The following ATP2B1 variants were observed in gnomAD, a reference collection of about 807,000 sequenced individuals.
ATP2B1 encodes the protein plasma membrane calcium-transporting ATPase 1.
A neutral mutation model predicts 124.2 loss-of-function variants in ATP2B1; 14 were observed. The ratio of observed to expected loss-of-function variants is 0.11; its 90% confidence interval spans 0.07 to 0.18. The LOEUF is 0.18. Ranked by LOEUF, ATP2B1 falls within the 10% of genes least tolerant of loss-of-function variation. ATP2B1 has a pLI of 1.00. For missense variants in ATP2B1, 763 were observed against 1,466.1 expected, an observed-to-expected ratio of 0.52 and a Z score of 7.83; for synonymous variants, 449 against 492.4, an observed-to-expected ratio of 0.91 and a Z score of 1.17.
chr12:89,674,042 T>C (rs1265063179), intron 1 of ATP2B1, among the ~76,000 whole-genome samples: 2 of 152,166 alleles, frequency 1.3e-5, no homozygotes, highest in African/African-American at 2.4e-5. Flanking sequence ...CTTACTGACA[T>C]GGGCAAGAAA....
chr12:89,653,441 C>G (rs904624349), intron 2 of ATP2B1, among the ~76,000 whole-genome samples: 2 of 151,336 alleles, frequency 1.3e-5, no homozygotes, highest in African/African-American at 2.4e-5. Flanking sequence ...GGACTACAGG[C>G]GCCCGCCACC....
At chr12:89,650,955 T>A (rs1175656800) in intron 2 of ATP2B1, among the ~76,000 whole-genome samples, 1 of 152,232 alleles carries the variant, frequency 6.6e-6, no homozygotes, top group African/African-American at 2.4e-5. Context: ...TAGGATGTTA[T>A]AAGCAGGTTA....
intron 18 of ATP2B1, 78 bp from the exon 19 acceptor site, chr12:89,601,511 T>C: frequency 1.1e-6 from 1 of 870,512 alleles, no homozygotes. Flanking sequence ...ATCAAATTTA[T>C]GTCCTCTAAA....
intron 12 of ATP2B1, among the ~76,000 whole-genome samples, 187 bp downstream of exon 12, chr12:89,616,615 G>A (rs1879016996): frequency 6.6e-6 from 1 of 151,764 alleles, no homozygotes; most frequent in Admixed American, 6.6e-5. Context: ...AAGAGACACT[G>A]TCTTTAAAAA....
chr12:89,588,319 T>C lies in ATP2B1; in HGVS notation c.*2665A>G, dbSNP rs1872982752. 6.6e-6 allele frequency: 1 copy of C among 152,622 alleles called. No individual in the cohort carries two copies. The highest frequency in any genetic ancestry group is 2.4e-5 in the African/African-American group (1 of 41,456). The allele number at this position is 152,622 out of a possible 1,614,324, so 9.5% of individuals were successfully genotyped here. On this transcript the variant is annotated 3_prime_UTR_variant, in exon 21 of 21. Transcript: ENST00000428670. ...CTGTTATGAAAATTACCATATCACA[T>C]ATTTGTAAGATGACAAGGAGTAACT...
chr12:89,590,835 T>A lies in ATP2B1; in HGVS notation c.*149A>T, dbSNP rs948968233. On this transcript the variant is annotated 3_prime_UTR_variant, in exon 21 of 21. Coordinates refer to ENST00000428670, the MANE Select transcript of ATP2B1 (RefSeq NM_001366521.1). ...GGCAGAAAGCTTTGCTTTTTTTTTT[T>A]TAAAAAAATAAATCTACATTCGTAC... is the stretch of plus-strand genomic sequence containing the variant. 3 of 911,558 alleles carry A rather than the reference T, an allele frequency of 3.3e-6. No individual in the cohort carries two copies. Among genetic ancestry groups the A allele is most frequent in the Middle Eastern group, 3.2e-4 (1 of 3,132 alleles). The allele number at this position is 911,558 out of a possible 1,614,324, so 56.5% of individuals were successfully genotyped here.
At chr12:89,641,663 T>C (rs1318749556) in intron 3 of ATP2B1, among the ~76,000 whole-genome samples, 1 of 152,190 alleles carries the variant, frequency 6.6e-6, no homozygotes, top group Non-Finnish European at 1.5e-5. Flanking sequence ...GTTCAACCTA[T>C]AGTATAATGG....
chr12:89,702,445 C>G (rs955130543), intron 1 of ATP2B1, among the ~76,000 whole-genome samples: 56 of 152,108 alleles, frequency 3.7e-4, no homozygotes, highest in African/African-American at 1.3e-3. Context: ...AGCAGCAGAT[C>G]TGAGAGTTTT....
chr12:89,673,132 T>C (rs1888193894), intron 1 of ATP2B1, among the ~76,000 whole-genome samples: 6 of 152,226 alleles, frequency 3.9e-5, no homozygotes, highest in Admixed American at 3.9e-4. Flanking sequence ...CTGGAGAAGC[T>C]ATCTCATAGT....
intron 1 of ATP2B1, among the ~76,000 whole-genome samples, chr12:89,688,919 G>C (rs549180922): frequency 6.6e-6 from 1 of 151,982 alleles, no homozygotes; most frequent in East Asian, 1.9e-4. Flanking sequence ...AGGGCTAATC[G>C]TATCTTTTGC....
chr12:89,692,755 C>T (rs1319279263), intron 1 of ATP2B1, among the ~76,000 whole-genome samples: 2 of 152,272 alleles, frequency 1.3e-5, no homozygotes, highest in East Asian at 3.9e-4. Context: ...ACCACTGTCA[C>T]TCACTGATTC....
In ATP2B1 at chr12:89,701,212, T is replaced by C. The variant is rs576072148; in HGVS notation, c.-222+7384A>G. Among the ~76,000 whole-genome samples the C allele has an allele frequency of 3.3e-4, 50 of 152,346 alleles. 3 individuals are homozygous for C. The South Asian group carries it at 9.9e-3, about 30-fold the overall frequency. Reference sequence around the variant, plus strand: ...AGTTCATGGAACGGCAGCAATGATATGATGCTCAGTCTTTGGTCTGTCTAA... The same window carrying C: ...AGTTCATGGAACGGCAGCAATGATACGATGCTCAGTCTTTGGTCTGTCTAA... On this transcript the variant is annotated intron_variant, in intron 1 of 20. Transcript: ENST00000428670.
At position 89,655,873 on chromosome 12, in the gene ATP2B1, G is replaced by A. The variant is rs1376235206; in HGVS notation, c.14C>T (p.Ala5Val). 1 of 1,596,340 alleles carries A rather than the reference G, an allele frequency of 6.3e-7. No individual in the cohort carries two copies. The highest frequency in any genetic ancestry group is 8.6e-7 in the Non-Finnish European group (1 of 1,168,668). The stretch of plus-strand genomic sequence containing the variant: ...ACCACTGTAAGCAACTGAGTTGTTT[G>A]CCATGTCGCCCATTACAAGTATAAT... MGDM[A>V]NNSVAYSGVK... The change falls in exon 2 of 21, where the codon GCA becomes GTA. Residue 5 changes from alanine to valine, a missense_variant. Ala to Val is a moderately conservative substitution (Grantham distance 64). Transcript: ENST00000428670.
At chr12:89,652,270 C>T (rs1885353723) in intron 2 of ATP2B1, among the ~76,000 whole-genome samples, 3 of 152,202 alleles carry the variant, frequency 2.0e-5, no homozygotes, top group African/African-American at 7.2e-5. Context: ...CATATTCTTA[C>T]ATAAAGTCTC....
At chr12:89,633,882 C>G (rs1276834659) in intron 5 of ATP2B1, among the ~76,000 whole-genome samples, 1 of 152,064 alleles carries the variant, frequency 6.6e-6, no homozygotes, top group African/African-American at 2.4e-5. Context: ...AAGTACAGTT[C>G]TGATAGACAA....
At chr12:89,628,439 A>C in intron 6 of ATP2B1, among the ~76,000 whole-genome samples, 1 of 143,736 alleles carries the variant, frequency 7.0e-6, no homozygotes, top group African/African-American at 2.6e-5. Context: ...AAAAAAGACA[A>C]CTGGCACACA....
intron 2 of ATP2B1, among the ~76,000 whole-genome samples, chr12:89,645,560 A>C (rs998170471): frequency 2.6e-5 from 4 of 152,184 alleles, no homozygotes; most frequent in African/African-American, 9.7e-5. Context: ...TAAGGAGCTA[A>C]CATTTGGCTT....
chr12:89,632,619 C>T (rs758301324), intron 5 of ATP2B1, among the ~76,000 whole-genome samples: 7 of 152,106 alleles, frequency 4.6e-5, no homozygotes, highest in Non-Finnish European at 1.0e-4. Flanking sequence ...GTCATATCCC[C>T]ACCACTAACT....
intron 1 of ATP2B1, among the ~76,000 whole-genome samples, chr12:89,678,178 C>A (rs1263940457): frequency 6.6e-6 from 1 of 151,906 alleles, no homozygotes; most frequent in Middle Eastern, 3.4e-3. Context: ...ACTAAAGATG[C>A]GTAACATACT....
Sources: allele counts gnomAD v4.1 joint callset (sites outside exome capture counted in the v4.1 genomes callset), GRCh38; gene constraint gnomAD v4.1.1; transcripts MANE v1.5; gene names NCBI Gene and HGNC (gene_info 2026-07-23, HGNC 2026-07-21).